The following KDM4C variants were observed in gnomAD, a reference collection of about 807,000 sequenced individuals.
The protein encoded by KDM4C is lysine-specific demethylase 4C.
A neutral mutation model predicts 129.3 loss-of-function variants in KDM4C; 81 were observed. The observed-to-expected ratio is 0.63, with a 90% CI of 0.52 to 0.75. The LOEUF (loss-of-function observed/expected upper bound fraction) is 0.75, where lower values mean the gene tolerates loss of function less well. Among genes scored for constraint, KDM4C ranks in the 30% least tolerant of loss-of-function variants. The pLI, the probability that KDM4C is intolerant of heterozygous loss-of-function variation, is 0.00. For synonymous variants in KDM4C, 573 were observed against 456.1 expected (o/e 1.26, Z -3.26); for missense variants, 1,457 against 1,304.0 (o/e 1.12, Z -1.81).
At chr9:7,125,182 T>C (rs1163671384) in intron 18 of KDM4C, among the ~76,000 whole-genome samples, 1 of 152,136 alleles carries the variant, frequency 6.6e-6, no homozygotes, top group East Asian at 1.9e-4. Context: ...TTGCACACCA[T>C]AGCAAGACCT....
intron 1 of KDM4C, among the ~76,000 whole-genome samples, chr9:6,736,879 C>T (rs1467919077): frequency 3.3e-5 from 5 of 151,418 alleles, no homozygotes; most frequent in Non-Finnish European, 7.4e-5. Flanking sequence ...GGCCAAACCC[C>T]GTCTCTACAA....
chr9:6,755,472 C>G (rs1818213602), upstream of KDM4C, among the ~76,000 whole-genome samples: 1 of 152,072 alleles, frequency 6.6e-6, no homozygotes, highest in Non-Finnish European at 1.5e-5. Flanking sequence ...TGCTTGAACC[C>G]GGGAGGTCAA....
At chr9:6,926,667 G>A (rs10116021) in intron 8 of KDM4C, among the ~76,000 whole-genome samples, 26,151 of 152,086 alleles carry the variant, frequency 0.17, 2,386 homozygotes, top group Middle Eastern at 0.23. Flanking sequence ...ACAAACAAAT[G>A]CCTCCAGGCA....
intron 1 of KDM4C, among the ~76,000 whole-genome samples, chr9:6,721,796 G>A (rs1024043148): frequency 6.6e-6 from 1 of 150,516 alleles, no homozygotes; most frequent in Non-Finnish European, 1.5e-5. Flanking sequence ...CATCATATTG[G>A]CCATGCTGGT....
chr9:6,847,500 C>G (rs906008207), intron 4 of KDM4C, among the ~76,000 whole-genome samples: 4 of 152,016 alleles, frequency 2.6e-5, no homozygotes, highest in Admixed American at 1.3e-4. Flanking sequence ...GGGCCGTTCT[C>G]CTGCCTCAGC....
intron 17 of KDM4C, among the ~76,000 whole-genome samples, chr9:7,056,238 T>C (rs1830847296): frequency 6.6e-6 from 1 of 152,214 alleles, no homozygotes; most frequent in African/African-American, 2.4e-5. Context: ...TGTGGTGTCT[T>C]ATTATTTAAC....
chr9:7,071,697 T>A (rs1403190028), intron 17 of KDM4C, among the ~76,000 whole-genome samples: 2 of 152,188 alleles, frequency 1.3e-5, no homozygotes, highest in Non-Finnish European at 2.9e-5. Flanking sequence ...TCATGGGTTT[T>A]ACGTCACAAA....
At chr9:6,971,661 C>T (rs1454652903) in intron 8 of KDM4C, among the ~76,000 whole-genome samples, 1 of 152,102 alleles carries the variant, frequency 6.6e-6, no homozygotes. Context: ...AATGTCATTT[C>T]CTGGGCAAAG....
intron 19 of KDM4C, among the ~76,000 whole-genome samples, chr9:7,157,365 C>T (rs986542001): frequency 6.6e-6 from 1 of 152,170 alleles, no homozygotes; most frequent in Non-Finnish European, 1.5e-5. Flanking sequence ...TGCCTGATTG[C>T]CCTGGCCAGA....
chr9:6,940,448 CTT>C (rs1825738946), intron 8 of KDM4C, among the ~76,000 whole-genome samples: 1 of 152,184 alleles, frequency 6.6e-6, no homozygotes, highest in East Asian at 1.9e-4. Flanking sequence ...CTTTTAAAAT[CTT>C]TGCGGGAATT....
chr9:6,737,685 A>G (rs1817569760), intron 1 of KDM4C, among the ~76,000 whole-genome samples: 1 of 151,236 alleles, frequency 6.6e-6, no homozygotes, highest in Non-Finnish European at 1.5e-5. Context: ...AAAAAAAAAA[A>G]AGTGAGCAAA....
intron 17 of KDM4C, among the ~76,000 whole-genome samples, chr9:7,088,440 G>T (rs1181013363): frequency 6.6e-6 from 1 of 152,126 alleles, no homozygotes; most frequent in East Asian, 1.9e-4. Context: ...CCCACAATCT[G>T]CTTAGGATCA....
At chr9:7,167,343 C>T (rs777555905) in intron 20 of KDM4C, among the ~76,000 whole-genome samples, 6 of 152,098 alleles carry the variant, frequency 3.9e-5, no homozygotes, top group African/African-American at 1.4e-4. Flanking sequence ...CGAACTAGGA[C>T]GGTTGGTTAC....
At chr9:6,919,541 G>A (rs61395196) in intron 8 of KDM4C, among the ~76,000 whole-genome samples, 12,397 of 60,212 alleles carry the variant, frequency 0.21, 739 homozygotes, top group South Asian at 0.27. Flanking sequence ...CTGTCTGTCT[G>A]TCTGTCTATC....
intron 17 of KDM4C, among the ~76,000 whole-genome samples, chr9:7,071,007 C>T (rs1412741688): frequency 6.6e-6 from 1 of 152,124 alleles, no homozygotes; most frequent in African/African-American, 2.4e-5. Context: ...TAAAAAATTT[C>T]ATTGTATTTA....
intron 4 of KDM4C, among the ~76,000 whole-genome samples, chr9:6,841,370 A>G (rs1836876887): frequency 6.6e-6 from 1 of 152,166 alleles, no homozygotes; most frequent in Non-Finnish European, 1.5e-5. Flanking sequence ...TTGAGGATGG[A>G]ATATAGAGTG....
At chr9:7,135,743 A>G (rs1218404286) in intron 19 of KDM4C, among the ~76,000 whole-genome samples, 1 of 152,254 alleles carries the variant, frequency 6.6e-6, no homozygotes, top group Non-Finnish European at 1.5e-5. Context: ...AGCCATTCCC[A>G]GAAACTTTTT....
chr9:7,144,629 C>T (rs958442088), intron 19 of KDM4C, among the ~76,000 whole-genome samples: 1 of 152,208 alleles, frequency 6.6e-6, no homozygotes. Context: ...GGCCCCTGGC[C>T]CCACCATTCC....
intron 1 of KDM4C, among the ~76,000 whole-genome samples, chr9:6,763,155 C>G (rs1186260068): frequency 2.0e-5 from 3 of 152,094 alleles, no homozygotes; most frequent in African/African-American, 7.2e-5. Context: ...GCCTATCCCC[C>G]CTGCTCCTGC....
Sources: gnomAD v4.1 joint callset for allele counts (sites outside exome capture counted in the v4.1 genomes callset) on GRCh38, gnomAD v4.1.1 for gene constraint, MANE v1.5 for transcripts, NCBI Gene and HGNC (gene_info 2026-07-23, HGNC 2026-07-21) for gene names.